Variants in PLEKHA5 observed in about 807,000 individuals in gnomAD.
PLEKHA5 encodes pleckstrin homology domain containing A5.
Under a neutral mutation model 181.9 loss-of-function variants are expected in PLEKHA5, and 55 were observed. The observed-to-expected ratio is 0.30, with a 90% CI of 0.24 to 0.38. The LOEUF is 0.38. Among genes scored for constraint, PLEKHA5 ranks in the 10% least tolerant of loss-of-function variants. The pLI is 1.00. For missense variants in PLEKHA5, 1,432 were observed against 1,549.5 expected, an observed-to-expected ratio of 0.92 and a Z score of 1.27; for synonymous variants, 535 against 529.4, an observed-to-expected ratio of 1.01 and a Z score of -0.15.
intron 3 of PLEKHA5, among the ~76,000 whole-genome samples, chr12:19,232,176 C>G (rs1047823696): frequency 1.3e-5 from 2 of 152,160 alleles, no homozygotes; most frequent in East Asian, 1.9e-4. Context: ...TACTTTCCAT[C>G]TGTTGTGCAA....
chr12:19,189,733 A>T (rs1243564461), intron 3 of PLEKHA5, among the ~76,000 whole-genome samples: 1 of 152,210 alleles, frequency 6.6e-6, no homozygotes, highest in East Asian at 1.9e-4. Flanking sequence ...ACCATTAAAC[A>T]GACTGCTCTC....
intron 18 of PLEKHA5, among the ~76,000 whole-genome samples, chr12:19,321,060 G>C (rs142880690): frequency 2.0e-5 from 3 of 151,728 alleles, no homozygotes; most frequent in African/African-American, 7.3e-5. Flanking sequence ...CCAGCTACTC[G>C]GGAGTCTGAG....
chr12:19,264,272 T>G (rs1456264047), intron 7 of PLEKHA5, among the ~76,000 whole-genome samples: 1 of 152,092 alleles, frequency 6.6e-6, no homozygotes, highest in African/African-American at 2.4e-5. Flanking sequence ...CTAGTTAGTG[T>G]TAGGCAGGAA....
At chr12:19,344,223 C>T (rs1053498724) in intron 22 of PLEKHA5, among the ~76,000 whole-genome samples, 1 of 152,078 alleles carries the variant, frequency 6.6e-6, no homozygotes, top group African/African-American at 2.4e-5. Context: ...TCTGAACAGG[C>T]ACTCTTAACA....
chr12:19,219,743 C>G (rs532129372), intron 3 of PLEKHA5, among the ~76,000 whole-genome samples: 2 of 151,836 alleles, frequency 1.3e-5, no homozygotes, highest in Admixed American at 1.3e-4. Context: ...TTCTCTGTAC[C>G]TAATGTATAG....
intron 15 of PLEKHA5, chr12:19,307,232 GGA>G: frequency 1.9e-6 from 1 of 528,554 alleles, no homozygotes. Flanking sequence ...CAGAGCTTTG[GGA>G]GGCTGAGGAG....
intron 3 of PLEKHA5, among the ~76,000 whole-genome samples, chr12:19,158,852 ACTT>A (rs2042355652): frequency 1.3e-5 from 2 of 151,984 alleles, no homozygotes; most frequent in Admixed American, 6.5e-5. Context: ...TGTGATTTTA[ACTT>A]GTTCATTCTT....
chr12:19,131,861 C>T (rs1237974543), intron 2 of PLEKHA5, among the ~76,000 whole-genome samples: 1 of 152,172 alleles, frequency 6.6e-6, no homozygotes, highest in Non-Finnish European at 1.5e-5. Flanking sequence ...CTTCACGTCT[C>T]TTAGTCAAAT....
chr12:19,215,100 C>A (rs375548571), intron 3 of PLEKHA5, among the ~76,000 whole-genome samples: 2 of 152,096 alleles, frequency 1.3e-5, no homozygotes, highest in South Asian at 2.1e-4. Context: ...TCACTTGAAC[C>A]TGAGAGGCAG....
chr12:19,247,609 T>C (rs2064070210), intron 3 of PLEKHA5, among the ~76,000 whole-genome samples: 1 of 152,142 alleles, frequency 6.6e-6, no homozygotes, highest in African/African-American at 2.4e-5. Flanking sequence ...AATAGTTTCA[T>C]AGAAGCTTTA....
intron 15 of PLEKHA5, among the ~76,000 whole-genome samples, chr12:19,294,549 CT>C (rs1242203615): frequency 6.6e-6 from 1 of 152,164 alleles, no homozygotes; most frequent in Admixed American, 6.5e-5. Flanking sequence ...TCTGCCTCCC[CT>C]AATAAATCAT....
At chr12:19,212,183 TG>T (rs1422850920) in intron 3 of PLEKHA5, among the ~76,000 whole-genome samples, 1 of 152,196 alleles carries the variant, frequency 6.6e-6, no homozygotes, top group Non-Finnish European at 1.5e-5. Context: ...TTGTCACAGT[TG>T]GGATCACGTG....
intron 3 of PLEKHA5, among the ~76,000 whole-genome samples, chr12:19,138,653 G>A (rs560614106): frequency 3.9e-5 from 6 of 152,124 alleles, no homozygotes; most frequent in Middle Eastern, 3.4e-3. Context: ...GGGCTGCCCT[G>A]GAACGACTTG....
chr12:19,297,755 T>A (rs1463100046), intron 15 of PLEKHA5, among the ~76,000 whole-genome samples: 2 of 42,260 alleles, frequency 4.7e-5, no homozygotes, highest in Non-Finnish European at 2.7e-4. Flanking sequence ...AAATTATTAT[T>A]TTTTTTTTTT....
chr12:19,272,541 C>A (rs1483584214), intron 10 of PLEKHA5, among the ~76,000 whole-genome samples: 1 of 152,038 alleles, frequency 6.6e-6, no homozygotes, highest in Non-Finnish European at 1.5e-5. Flanking sequence ...GAGTTCAAGA[C>A]CAACCTAGGT....
intron 10 of PLEKHA5, among the ~76,000 whole-genome samples, chr12:19,272,194 C>G (rs1206596668): frequency 6.6e-6 from 1 of 152,094 alleles, no homozygotes; most frequent in Non-Finnish European, 1.5e-5. Context: ...AATATGGATT[C>G]TCTGAATAAT....
At chr12:19,263,273 G>A (rs1306992339) in intron 7 of PLEKHA5, among the ~76,000 whole-genome samples, 1 of 152,090 alleles carries the variant, frequency 6.6e-6, no homozygotes, top group Non-Finnish European at 1.5e-5. Flanking sequence ...ATAACGTGGG[G>A]AATCTTATGT....
chr12:19,320,974 C>G (rs1405496003), intron 18 of PLEKHA5: 1 of 158,134 alleles, frequency 6.3e-6, no homozygotes, highest in Non-Finnish European at 1.4e-5. Context: ...TGAGACCAGC[C>G]TGGGCAACAT....
chr12:19,374,950 G>A (rs952758867), intron 31 of PLEKHA5, among the ~76,000 whole-genome samples: 11 of 151,822 alleles, frequency 7.2e-5, no homozygotes, highest in East Asian at 1.9e-4. Context: ...GCAAGACTCC[G>A]TCTCCAAAAT....
Sources: allele counts gnomAD v4.1 joint callset (sites outside exome capture counted in the v4.1 genomes callset), GRCh38; gene constraint gnomAD v4.1.1; transcripts MANE v1.5; gene names NCBI Gene and HGNC (gene_info 2026-07-23, HGNC 2026-07-21).